PTK2: variants seen among roughly 807,000 people sequenced by gnomAD.
PTK2 encodes the protein protein tyrosine kinase 2.
A neutral mutation model predicts 150.1 loss-of-function variants in PTK2; 45 were observed. That is an observed-to-expected ratio of 0.30 (90% CI 0.24 to 0.38). PTK2 has a LOEUF of 0.38. Ranked by LOEUF, PTK2 falls within the 10% of genes least tolerant of loss-of-function variation. PTK2 has a pLI of 1.00. For synonymous variants in PTK2, 432 were observed against 449.2 expected (o/e 0.96, Z 0.48); for missense variants, 919 against 1,307.3 (o/e 0.70, Z 4.58).
In PTK2 at chr8:140,800,392, T is replaced by G. The variant is rs1321109603; in HGVS notation, c.1093+67A>C. 7 of 1,271,624 alleles carry G rather than the reference T, an allele frequency of 5.5e-6. No homozygotes were observed. In the Admixed American group the frequency reaches 1.2e-4, roughly 21 times the overall value. 78.8% of individuals were successfully genotyped at this position (1,271,624 alleles called of 1,614,324 possible). A position where few individuals can be genotyped will look rare whatever the true frequency, so the allele number is the denominator to read the frequency against. ...TTACCTAAAAGAGGATAACAGGCTG[T>G]TAGGGGCAAGCACAGCTAAATATTT... On this transcript the variant is annotated intron_variant, in intron 12 of 31. Coordinates refer to ENST00000522684, the Ensembl canonical transcript of PTK2.
chr8:140,677,522 A>C (rs943880835), intron 27 of PTK2, among the ~76,000 whole-genome samples: 1 of 152,252 alleles, frequency 6.6e-6, no homozygotes, highest in Admixed American at 6.5e-5. Context: ...TTTGAAAAGA[A>C]AGACTTTTCT....
chr8:140,699,106 C>T (rs959107752), intron 26 of PTK2, among the ~76,000 whole-genome samples: 9 of 152,036 alleles, frequency 5.9e-5, no homozygotes, highest in African/African-American at 1.9e-4. Flanking sequence ...ATCTGCCTTA[C>T]AATCTCAAGA....
At chr8:140,789,480 C>T in exon 14 of PTK2, 2 of 1,613,332 alleles carry the variant, frequency 1.2e-6, no homozygotes, top group Non-Finnish European at 1.7e-6. Context: ...TTACCTGACA[C>T]AGAGACGGCG....
chr8:140,882,198 A>G (rs1275624221), intron 3 of PTK2, among the ~76,000 whole-genome samples: 1 of 152,238 alleles, frequency 6.6e-6, no homozygotes, highest in African/African-American at 2.4e-5. Context: ...GTGGTGCTAA[A>G]TGCATATACT....
intron 2 of PTK2, among the ~76,000 whole-genome samples, chr8:140,893,677 G>A (rs1034440536): frequency 6.6e-6 from 1 of 152,096 alleles, no homozygotes; most frequent in Non-Finnish European, 1.5e-5. Context: ...TTTCTTTTGG[G>A]GATGAGAGAA....
intron 10 of PTK2, among the ~76,000 whole-genome samples, chr8:140,806,128 C>T (rs2100098049): frequency 6.6e-6 from 1 of 152,162 alleles, no homozygotes; most frequent in African/African-American, 2.4e-5. Context: ...TTTCAAATGT[C>T]CTGGTGTGTA....
At chr8:140,847,347 A>G (rs773436969) in intron 5 of PTK2, among the ~76,000 whole-genome samples, 5 of 152,220 alleles carry the variant, frequency 3.3e-5, no homozygotes, top group Non-Finnish European at 7.3e-5. Context: ...AGAAGAATCT[A>G]ATGGAATTCT....
chr8:140,964,174 C>T (rs577473790), intron 1 of PTK2, among the ~76,000 whole-genome samples: 13 of 152,098 alleles, frequency 8.5e-5, no homozygotes, highest in Admixed American at 6.6e-4. Flanking sequence ...GATGCACCAC[C>T]CTATGCATGA....
At chr8:140,907,661 T>G (rs2100161515) in intron 2 of PTK2, among the ~76,000 whole-genome samples, 1 of 152,224 alleles carries the variant, frequency 6.6e-6, no homozygotes, top group South Asian at 2.1e-4. Context: ...CTTTACCAAA[T>G]GTGCTACATT....
intron 10 of PTK2, among the ~76,000 whole-genome samples, chr8:140,806,694 A>G (rs531863095): frequency 2.0e-5 from 3 of 152,272 alleles, no homozygotes; most frequent in South Asian, 4.2e-4. Flanking sequence ...CCTCCAATTA[A>G]AAGTCCTTAC....
At chr8:140,896,282 A>G (rs559381645) in intron 2 of PTK2, among the ~76,000 whole-genome samples, 196 of 152,332 alleles carry the variant, frequency 1.3e-3, no homozygotes, top group African/African-American at 4.5e-3. Flanking sequence ...GATACAGATC[A>G]TTTCCCAACT....
chr8:140,754,585 TACTC>T (rs906383316), intron 16 of PTK2, among the ~76,000 whole-genome samples: 16 of 152,220 alleles, frequency 1.1e-4, no homozygotes, highest in Admixed American at 5.9e-4. Context: ...ACTAATCAAA[TACTC>T]AGTAAACATG....
intron 1 of PTK2, among the ~76,000 whole-genome samples, chr8:140,929,749 C>A (rs986244457): frequency 1.5e-5 from 2 of 132,444 alleles, no homozygotes; most frequent in Admixed American, 7.5e-5. Context: ...AGATATGTGA[C>A]CCTGGCACTT....
In PTK2 at chr8:140,846,276, T is replaced by TA; in HGVS notation, c.576dup (p.Asn193Ter). ...AATACTTACTCTAATACTTCATAGT[T>TA]AGACTTCTTTTCTAGTGCATTGCCC... is the stretch of plus-strand genomic sequence containing the variant. On this transcript the variant is annotated frameshift_variant, in exon 7 of 32. Coordinates refer to ENST00000522684, the Ensembl canonical transcript of PTK2. LOFTEE classifies it high-confidence loss of function. 6.2e-7 allele frequency: 1 copy of TA among 1,611,888 alleles called. No individual in the cohort carries two copies. The highest frequency in any genetic ancestry group is 8.5e-7 in the Non-Finnish European group (1 of 1,178,394).
At chr8:140,731,860 G>A (rs1421417072) in intron 22 of PTK2, among the ~76,000 whole-genome samples, 1 of 152,150 alleles carries the variant, frequency 6.6e-6, no homozygotes, top group Non-Finnish European at 1.5e-5. Context: ...CAGAGATGGT[G>A]CCACCGCACT....
chr8:140,893,568 AT>A (rs2100154937), intron 2 of PTK2, among the ~76,000 whole-genome samples: 1 of 152,190 alleles, frequency 6.6e-6, no homozygotes, highest in African/African-American at 2.4e-5. Context: ...TTCCACTTAT[AT>A]GAAGGAATAT....
chr8:140,865,353 C>T (rs1233830927), intron 4 of PTK2, among the ~76,000 whole-genome samples: 1 of 152,142 alleles, frequency 6.6e-6, no homozygotes, highest in African/African-American at 2.4e-5. Context: ...CGTGAGCCTC[C>T]ACCCCTGGCC....
intron 23 of PTK2, among the ~76,000 whole-genome samples, chr8:140,712,116 C>CA (rs1212440796): frequency 6.6e-6 from 1 of 151,628 alleles, no homozygotes; most frequent in Non-Finnish European, 1.5e-5. Flanking sequence ...ATGTAACTAC[C>CA]AACACTCATA....
At chr8:140,872,820 G>C (rs549258478) in intron 4 of PTK2, among the ~76,000 whole-genome samples, 2 of 152,204 alleles carry the variant, frequency 1.3e-5, no homozygotes, top group African/African-American at 4.8e-5. Context: ...GTGTCATGCT[G>C]TATGTCATAT....
Sources: allele counts gnomAD v4.1 joint callset (sites outside exome capture counted in the v4.1 genomes callset), GRCh38; gene constraint gnomAD v4.1.1; transcripts MANE v1.5; gene names NCBI Gene and HGNC (gene_info 2026-07-23, HGNC 2026-07-21).